IMMP2L: variants seen among roughly 807,000 people sequenced by gnomAD.
IMMP2L encodes the protein mitochondrial inner membrane protease subunit 2.
In IMMP2L, 18 loss-of-function variants were observed where a neutral mutation model predicts 19.3. The observed-to-expected ratio is 0.93, with a 90% CI of 0.64 to 1.38. IMMP2L has a LOEUF of 1.38. Among genes scored for constraint, IMMP2L ranks in the 40% most tolerant of loss-of-function variants. The pLI is 0.00. For synonymous variants in IMMP2L, 76 were observed against 73.0 expected (o/e 1.04, Z -0.21); for missense variants, 233 against 218.2 (o/e 1.07, Z -0.43).
chr7:111,327,955 T>C (rs553167770), intron 3 of IMMP2L, among the ~76,000 whole-genome samples: 138 of 151,846 alleles, frequency 9.1e-4, no homozygotes, highest in Non-Finnish European at 1.8e-3. Flanking sequence ...ATAGTAGATA[T>C]ATAATATATA....
At chr7:111,008,855 A>C (rs1824598259) in intron 3 of IMMP2L, among the ~76,000 whole-genome samples, 1 of 152,124 alleles carries the variant, frequency 6.6e-6, no homozygotes, top group African/African-American at 2.4e-5. Context: ...TGAGTTATAA[A>C]GAATGAATTA....
intron 3 of IMMP2L, among the ~76,000 whole-genome samples, chr7:110,978,214 A>G (rs552717088): frequency 2.4e-4 from 37 of 152,122 alleles, no homozygotes; most frequent in African/African-American, 8.2e-4. Context: ...CACTGTTTCA[A>G]TGTTTTCTTT....
Position 111,488,862 on chromosome 7 carries a change from T to C in IMMP2L, c.136-1521A>G, listed in dbSNP as rs112705729. Among the ~76,000 whole-genome samples the C allele has an allele frequency of 3.5e-3, 529 of 152,096 alleles. 4 individuals carry two copies. Among genetic ancestry groups the C allele is most frequent in the Non-Finnish European group, 5.4e-3 (367 of 67,978 alleles). On this transcript the variant is annotated intron_variant, in intron 2 of 5. Coordinates refer to ENST00000405709, the MANE Select transcript of IMMP2L (RefSeq NM_032549.4). ...CCTTTTCACCACATACACATCAACA[T>C]CTATTATTCTTTGATTTTTTGATTA...
chr7:110,942,001 C>T (rs1331653280), intron 4 of IMMP2L, among the ~76,000 whole-genome samples: 1 of 151,894 alleles, frequency 6.6e-6, no homozygotes, highest in Non-Finnish European at 1.5e-5. Flanking sequence ...GCTGAAAAAA[C>T]ACAACTGAAT....
intron 3 of IMMP2L, among the ~76,000 whole-genome samples, chr7:111,347,042 A>G (rs746739432): frequency 2.4e-4 from 36 of 152,112 alleles, no homozygotes; most frequent in Non-Finnish European, 4.1e-4. Context: ...TAAGGAGAAG[A>G]AGGAAAAAAA....
intron 1 of IMMP2L, among the ~76,000 whole-genome samples, chr7:111,534,146 T>C (rs1847654787): frequency 6.6e-6 from 1 of 152,128 alleles, no homozygotes; most frequent in African/African-American, 2.4e-5. Flanking sequence ...AAATGTTACA[T>C]GAATATACCT....
chr7:110,816,723 G>A (rs1802554552), intron 5 of IMMP2L, among the ~76,000 whole-genome samples: 1 of 150,256 alleles, frequency 6.7e-6, no homozygotes, highest in Non-Finnish European at 1.5e-5. Flanking sequence ...TTATGTAATG[G>A]CCTTCTTTGT....
chr7:111,353,231 A>G (rs531833856), intron 3 of IMMP2L, among the ~76,000 whole-genome samples: 5 of 152,160 alleles, frequency 3.3e-5, no homozygotes, highest in Non-Finnish European at 4.4e-5. Context: ...CAAATCTCCA[A>G]TGCTCAAATC....
chr7:110,915,906 G>C (rs1265622020), intron 4 of IMMP2L, among the ~76,000 whole-genome samples: 2 of 152,168 alleles, frequency 1.3e-5, no homozygotes, highest in East Asian at 3.8e-4. Context: ...GCCATCTCCT[G>C]AGACATCCTA....
chr7:111,044,744 C>A (rs969030849), intron 3 of IMMP2L, among the ~76,000 whole-genome samples: 2 of 152,004 alleles, frequency 1.3e-5, no homozygotes, highest in African/African-American at 2.4e-5. Flanking sequence ...AACAAAGGAA[C>A]CAATTTGATA....
At chr7:111,463,917 C>G (rs1840373455) in intron 3 of IMMP2L, among the ~76,000 whole-genome samples, 1 of 152,152 alleles carries the variant, frequency 6.6e-6, no homozygotes, top group Admixed American at 6.6e-5. Flanking sequence ...GTAGTTTAGC[C>G]TCAGCATGGC....
chr7:110,754,810 T>C lies in IMMP2L; in HGVS notation c.409-91089A>G, dbSNP rs537593442. Among the ~76,000 whole-genome samples the C allele has an allele frequency of 5.9e-5, 9 of 152,202 alleles. No individual in the cohort carries two copies. In the South Asian group the frequency reaches 1.7e-3, roughly 28 times the overall value. On this transcript the variant is annotated intron_variant, in intron 5 of 5. Coordinates refer to ENST00000405709, the MANE Select transcript of IMMP2L (RefSeq NM_032549.4). ...TTCACTGTTTAATCACCCACAAAAC[T>C]GTTTATTGCCCTATATATTCCTCCA...
intron 3 of IMMP2L, among the ~76,000 whole-genome samples, chr7:111,134,921 T>C (rs765939794): frequency 1.5e-4 from 23 of 152,072 alleles, no homozygotes; most frequent in Non-Finnish European, 3.2e-4. Context: ...CATTTCACTA[T>C]GGTATCAATA....
intron 3 of IMMP2L, among the ~76,000 whole-genome samples, chr7:111,153,604 T>C (rs905710987): frequency 6.6e-6 from 1 of 152,070 alleles, no homozygotes; most frequent in Non-Finnish European, 1.5e-5. Context: ...TCTTTACTTA[T>C]ACTGTACTTG....
chr7:111,524,134 T>C (rs1846611307), intron 1 of IMMP2L, among the ~76,000 whole-genome samples: 1 of 152,086 alleles, frequency 6.6e-6, no homozygotes, highest in African/African-American at 2.4e-5. Flanking sequence ...TTAGATTTCA[T>C]TAGCTCAGTC....
At chr7:111,171,493 T>C (rs1232016594) in intron 3 of IMMP2L, among the ~76,000 whole-genome samples, 2 of 151,596 alleles carry the variant, frequency 1.3e-5, no homozygotes, top group Non-Finnish European at 3.0e-5. Context: ...CTGTATAATA[T>C]AAATCATTTA....
chr7:111,016,890 TAA>T (rs1491375423), intron 3 of IMMP2L, among the ~76,000 whole-genome samples: 1 of 89,898 alleles, frequency 1.1e-5, no homozygotes, highest in Non-Finnish European at 2.0e-5. Flanking sequence ...ATATTATATA[TAA>T]TATATATTAT....
intron 3 of IMMP2L, among the ~76,000 whole-genome samples, chr7:111,021,691 G>A (rs113586720): frequency 0.012 from 1,804 of 152,192 alleles, 32 homozygotes; most frequent in African/African-American, 0.04. Flanking sequence ...GAGGCCAGCC[G>A]GGCCAACATG....
At chr7:111,212,692 T>G (rs1013548154) in intron 3 of IMMP2L, among the ~76,000 whole-genome samples, 9 of 152,118 alleles carry the variant, frequency 5.9e-5, no homozygotes, top group Middle Eastern at 3.2e-3. Context: ...ATATACATAA[T>G]GGATGAATAA....
Sources: allele counts gnomAD v4.1 joint callset (sites outside exome capture counted in the v4.1 genomes callset), GRCh38; gene constraint gnomAD v4.1.1; transcripts MANE v1.5; gene names NCBI Gene and HGNC (gene_info 2026-07-23, HGNC 2026-07-21).